The following STRBP variants were observed in gnomAD, a reference collection of about 807,000 sequenced individuals.
STRBP encodes spermatid perinuclear RNA binding protein.
In STRBP, 13 loss-of-function variants were observed where a neutral mutation model predicts 80.1. The observed-to-expected ratio is 0.16, with a 90% CI of 0.11 to 0.26. The LOEUF (loss-of-function observed/expected upper bound fraction) is 0.26. STRBP is among the 10% of genes least tolerant of loss of function. The pLI, the probability that STRBP is intolerant of heterozygous loss-of-function variation, is 1.00. For synonymous variants in STRBP, 284 were observed against 291.2 expected (o/e 0.98, Z 0.25); for missense variants, 485 against 815.2 (o/e 0.59, Z 4.93).
In STRBP at chr9:123,122,683, T is replaced by C; in HGVS notation, c.*2914A>G. Reference sequence around the variant, plus strand: ...GAAGAAACACAAGCTGCAAGCCACATCCCTGGCTAGGGGCCAGTCCCCGTG... The same window carrying C: ...GAAGAAACACAAGCTGCAAGCCACACCCCTGGCTAGGGGCCAGTCCCCGTG... On this transcript the variant is annotated 3_prime_UTR_variant, in exon 19 of 19. Coordinates refer to ENST00000348403, the MANE Select transcript of STRBP (RefSeq NM_018387.5). 2.0e-6 allele frequency: 2 copies of C among 1,012,574 alleles called. No individual in the cohort carries two copies. Among genetic ancestry groups the C allele is most frequent in the South Asian group, 8.2e-5 (2 of 24,404 alleles). 62.7% of individuals were successfully genotyped at this position (1,012,574 alleles called of 1,614,324 possible). A position where few individuals can be genotyped will look rare whatever the true frequency, so the allele number is the denominator to read the frequency against.
At chr9:123,220,661 A>T (rs1282971339) in intron 2 of STRBP, among the ~76,000 whole-genome samples, 1 of 152,186 alleles carries the variant, frequency 6.6e-6, no homozygotes, top group East Asian at 1.9e-4. Context: ...TTAACAATAG[A>T]CTCCAACAAG....
chr9:123,213,260 T>C (rs1027973604), intron 2 of STRBP, among the ~76,000 whole-genome samples: 4 of 152,248 alleles, frequency 2.6e-5, no homozygotes, highest in Admixed American at 6.5e-5. Flanking sequence ...TTGTGACTGG[T>C]GTTTTCTCAG....
chr9:123,185,242 A>C (rs1316291846), intron 2 of STRBP, among the ~76,000 whole-genome samples: 3 of 152,202 alleles, frequency 2.0e-5, no homozygotes, highest in African/African-American at 7.2e-5. Flanking sequence ...TTTAATAAGG[A>C]AACACCCTAT....
intron 1 of STRBP, among the ~76,000 whole-genome samples, chr9:123,250,836 G>A (rs892001978): frequency 6.6e-6 from 1 of 152,178 alleles, no homozygotes; most frequent in Non-Finnish European, 1.5e-5. Flanking sequence ...AGGAAAGCAG[G>A]GCTGGCTACA....
At chr9:123,241,089 G>C (rs1371467389) in intron 1 of STRBP, among the ~76,000 whole-genome samples, 1 of 150,420 alleles carries the variant, frequency 6.6e-6, no homozygotes, top group Admixed American at 6.7e-5. Flanking sequence ...TGAGGCAGGA[G>C]AATCACTTGA....
intron 3 of STRBP, chr9:123,111,814 T>G (rs1296481100): frequency 3.4e-6 from 1 of 298,484 alleles, no homozygotes; most frequent in Non-Finnish European, 6.9e-6. Context: ...CATAAGAGCC[T>G]GAGAGCTACT....
intron 1 of STRBP, among the ~76,000 whole-genome samples, chr9:123,241,519 CA>C (rs1234632965): frequency 5.8e-4 from 81 of 140,790 alleles, no homozygotes; most frequent in African/African-American, 1.5e-3. Flanking sequence ...CCCGCACACA[CA>C]AAAAAAAAAA....
chr9:123,142,921 A>G (rs978904029), intron 13 of STRBP, among the ~76,000 whole-genome samples: 1 of 152,138 alleles, frequency 6.6e-6, no homozygotes, highest in Non-Finnish European at 1.5e-5. Flanking sequence ...TGACAAGATC[A>G]CTCATGGAAA....
At chr9:123,264,761 G>A (rs146474251) in intron 1 of STRBP, among the ~76,000 whole-genome samples, 189 of 152,306 alleles carry the variant, frequency 1.2e-3, no homozygotes, top group African/African-American at 4.1e-3. Context: ...GATATCTAAA[G>A]TGCCTACAAA....
rs976723867 is a variant in STRBP, at chr9:123,159,129, T to C, written c.802A>G (p.Met268Val). 2.5e-6 allele frequency: 4 copies of C among 1,613,606 alleles called. No homozygotes were observed. Among genetic ancestry groups the C allele is most frequent in the Non-Finnish European group, 3.4e-6 (4 of 1,179,584 alleles). The change falls in exon 9 of 19, where the codon ATG becomes GTG. Residue 268 changes from methionine to valine, a missense_variant. Around this residue, in one of 3 missense-constraint regions of STRBP, gnomAD observed 377 missense variants for 616.1 expected, o/e 0.61. Transcript: ENST00000348403. ...AGTATTCCAGATGCCAAACACTCCA[T>C]TACTCGTCTCAAGGCCTCCCCAGCG... ...LGAGEALRRV[M>V]ECLASGILLP...
chr9:123,160,892 T>C (rs1442451577), intron 7 of STRBP, 85 bp downstream of exon 7: 1 of 1,131,618 alleles, frequency 8.8e-7, no homozygotes, highest in South Asian at 1.5e-5. Flanking sequence ...TTTTATGTAG[T>C]ACACAGAAAC....
intron 13 of STRBP, among the ~76,000 whole-genome samples, chr9:123,140,597 A>AAAACAAACAAACAAAAC (rs1564228240): frequency 2.6e-5 from 4 of 152,178 alleles, no homozygotes; most frequent in Non-Finnish European, 5.9e-5. Flanking sequence ...CTGTCTCAAA[A>AAAACAAACAAACAAAAC]AAACAAACAA....
At chr9:123,216,816 T>G (rs923682203) in intron 2 of STRBP, among the ~76,000 whole-genome samples, 1 of 152,152 alleles carries the variant, frequency 6.6e-6, no homozygotes, top group Non-Finnish European at 1.5e-5. Context: ...ATTAATTACC[T>G]CAGTTAATAT....
At chr9:123,260,612 G>A (rs1267360104) in intron 1 of STRBP, among the ~76,000 whole-genome samples, 2 of 152,050 alleles carry the variant, frequency 1.3e-5, no homozygotes, top group African/African-American at 4.8e-5. Context: ...TAATTTAGGG[G>A]GTTAAAATAA....
At chr9:123,162,222 G>T (rs1588021092) in intron 6 of STRBP, among the ~76,000 whole-genome samples, 1 of 109,222 alleles carries the variant, frequency 9.2e-6, no homozygotes, top group African/African-American at 2.5e-5. Flanking sequence ...TTATTCTGTG[G>T]TTTTTTTCTT....
intron 2 of STRBP, among the ~76,000 whole-genome samples, chr9:123,193,003 T>C (rs1367165578): frequency 2.6e-5 from 4 of 152,294 alleles, no homozygotes; most frequent in Admixed American, 1.3e-4. Context: ...ACCGCTAAGC[T>C]TGAGTTAAAC....
chr9:123,154,333 G>A lies in STRBP; in HGVS notation c.1045+3679C>T, dbSNP rs146291677. Among the ~76,000 whole-genome samples, 954 of 152,302 alleles carry A rather than the reference G, an allele frequency of 6.3e-3. 6 individuals carry two copies. The highest frequency in any genetic ancestry group is 9.2e-3 in the Admixed American group (140 of 15,292). ...TGCTGAACAGAAAGAAGCCAGTCACGAAAGATTAAACTTAGGACCCATTTC... is the reference window on the plus strand; with the variant it reads ...TGCTGAACAGAAAGAAGCCAGTCACAAAAGATTAAACTTAGGACCCATTTC... On this transcript the variant is annotated intron_variant, in intron 11 of 18. Transcript: ENST00000348403.
At chr9:123,254,880 TAATA>T (rs1374028640) in intron 1 of STRBP, among the ~76,000 whole-genome samples, 2 of 152,158 alleles carry the variant, frequency 1.3e-5, no homozygotes, top group African/African-American at 4.8e-5. Context: ...AAAAAAGACT[TAATA>T]AAGAGACGAC....
At chr9:123,180,844 G>A in intron 3 of STRBP, 3 of 812,106 alleles carry the variant, frequency 3.7e-6, no homozygotes, top group South Asian at 5.6e-5. Flanking sequence ...CCATTTAAAA[G>A]CTGGTTATAC....
Sources: allele counts gnomAD v4.1 joint callset (sites outside exome capture counted in the v4.1 genomes callset), GRCh38; gene constraint gnomAD v4.1.1; regional missense constraint gnomAD v4.1.1; transcripts MANE v1.5; gene names NCBI Gene and HGNC (gene_info 2026-07-23, HGNC 2026-07-21).